KLRG1: variants seen among roughly 807,000 people sequenced by gnomAD.
KLRG1 encodes the protein killer cell lectin like receptor G1.
In KLRG1, 16 loss-of-function variants were observed where a neutral mutation model predicts 21.8. That is an observed-to-expected ratio of 0.73 (90% CI 0.50 to 1.11). The LOEUF (loss-of-function observed/expected upper bound fraction) is 1.11. Among genes scored for constraint, KLRG1 ranks in the 50% most tolerant of loss-of-function variants. The pLI is 0.00. For synonymous variants in KLRG1, 69 were observed against 75.9 expected, an observed-to-expected ratio of 0.91 and a Z score of 0.47; for missense variants, 173 against 218.3, an observed-to-expected ratio of 0.79 and a Z score of 1.31.
the KLRG1 span, chr12:9,111,921 C>T: frequency 1.7e-5 from 11 of 640,032 alleles, no homozygotes; most frequent in Admixed American, 3.9e-5. Context: ...AAGAACCATC[C>T]GAAAAGTAAA....
the KLRG1 span, chr12:9,111,475 A>G: frequency 6.6e-5 from 30 of 454,372 alleles, no homozygotes; most frequent in South Asian, 4.5e-4. Flanking sequence ...GACATTGACT[A>G]GGACTAGCTT....
chr12:8,984,436 T>C (rs1178100870), intron 1 of KLRG1, among the ~76,000 whole-genome samples: 1 of 152,168 alleles, frequency 6.6e-6, no homozygotes, highest in African/African-American at 2.4e-5. Flanking sequence ...ATGTTTTTAG[T>C]AGAGACAGGG....
chr12:9,052,745 A>G, the KLRG1 span: 1 of 415,348 alleles, frequency 2.4e-6, no homozygotes. Context: ...AGCTTGGGAA[A>G]GTTTCTGAAC....
At chr12:9,203,386 G>T in the KLRG1 span, among the ~76,000 whole-genome samples, 1 of 141,058 alleles carries the variant, frequency 7.1e-6, no homozygotes, top group African/African-American at 2.7e-5. Flanking sequence ...CTGTCGCCCA[G>T]GCTGGAGTGC....
the KLRG1 span, chr12:9,161,133 C>A: frequency 6.5e-7 from 1 of 1,527,448 alleles, no homozygotes; most frequent in Non-Finnish European, 9.0e-7. Flanking sequence ...AAACAGACAG[C>A]CCATGTTAAA....
chr12:9,012,805 C>A (rs1394459220), downstream of KLRG1, among the ~76,000 whole-genome samples: 1 of 151,990 alleles, frequency 6.6e-6, no homozygotes, highest in African/African-American at 2.4e-5. Flanking sequence ...AGACCCAGGC[C>A]TGGCAGCATT....
the KLRG1 span, among the ~76,000 whole-genome samples, chr12:9,054,537 A>G: frequency 2.0e-5 from 3 of 148,764 alleles, no homozygotes; most frequent in African/African-American, 7.3e-5. Flanking sequence ...TGGGATATTC[A>G]TCACATTAAA....
At chr12:9,189,499 G>A in the KLRG1 span, among the ~76,000 whole-genome samples, 1 of 152,180 alleles carries the variant, frequency 6.6e-6, no homozygotes, top group Admixed American at 6.5e-5. Flanking sequence ...ACTCAAGATT[G>A]GTTAAAGACT....
chr12:9,094,842 G>A, the KLRG1 span: 1 of 431,504 alleles, frequency 2.3e-6, no homozygotes, highest in Non-Finnish European at 4.0e-6. Context: ...ATATGACCTT[G>A]AGCAATAACC....
intron 3 of KLRG1, among the ~76,000 whole-genome samples, chr12:9,006,349 T>A (rs959568333): frequency 1.3e-5 from 2 of 152,180 alleles, no homozygotes; most frequent in Non-Finnish European, 2.9e-5. Context: ...TATCTAGACC[T>A]GATTGACAGC....
the KLRG1 span, among the ~76,000 whole-genome samples, chr12:9,122,559 G>A: frequency 5.3e-5 from 8 of 152,306 alleles, no homozygotes; most frequent in African/African-American, 1.2e-4. Context: ...TAGCAATTAC[G>A]TAGTACTTAC....
the KLRG1 span, among the ~76,000 whole-genome samples, chr12:9,194,690 G>T: frequency 9.9e-5 from 15 of 151,852 alleles, no homozygotes; most frequent in African/African-American, 2.4e-4. Flanking sequence ...GGTCTCGATC[G>T]CCTGACCTCG....
chr12:9,094,340 CATATATAT>C, the KLRG1 span, among the ~76,000 whole-genome samples: 589 of 97,032 alleles, frequency 6.1e-3, 4 homozygotes, highest in East Asian at 0.027. Context: ...AAAAATTGTG[CATATATAT>C]ATATATATAT....
At chr12:9,107,861 C>CT in the KLRG1 span, among the ~76,000 whole-genome samples, 37 of 151,668 alleles carry the variant, frequency 2.4e-4, no homozygotes, top group Admixed American at 2.1e-3. Flanking sequence ...TTTATCATTT[C>CT]TTTTTTTTCC....
the KLRG1 span, among the ~76,000 whole-genome samples, chr12:9,060,313 C>T: frequency 3.3e-5 from 5 of 150,976 alleles, no homozygotes; most frequent in East Asian, 2.0e-4. Context: ...TGAGCCATCG[C>T]ACCCGGCCCC....
chr12:9,070,700 A>T, the KLRG1 span: 1 of 664,022 alleles, frequency 1.5e-6, no homozygotes, highest in East Asian at 2.8e-5. Context: ...CAAATATCTT[A>T]TCCCAGTGGT....
chr12:8,991,702 G>A (rs1200671774), intron 1 of KLRG1, among the ~76,000 whole-genome samples: 2 of 151,860 alleles, frequency 1.3e-5, no homozygotes, highest in Non-Finnish European at 2.9e-5. Flanking sequence ...TTCACTTTAT[G>A]GATATATCAA....
the KLRG1 span, among the ~76,000 whole-genome samples, chr12:9,025,929 C>A: frequency 5.9e-5 from 9 of 152,158 alleles, no homozygotes; most frequent in Admixed American, 1.3e-4. Context: ...GGTCTATGGA[C>A]AGCAGAATTT....
At chr12:9,157,452 TCAGACAGATAGG>T in the KLRG1 span, 2 of 1,188,038 alleles carry the variant, frequency 1.7e-6, no homozygotes, top group Non-Finnish European at 2.4e-6. Flanking sequence ...TTAATAGATT[TCAGACAGATAGG>T]CAGACAGCTA....
Sources: gnomAD v4.1 joint callset for allele counts (sites outside exome capture counted in the v4.1 genomes callset) on GRCh38, gnomAD v4.1.1 for gene constraint, MANE v1.5 for transcripts, NCBI Gene and HGNC (gene_info 2026-07-23, HGNC 2026-07-21) for gene names.